OSBPL9: variants seen among roughly 807,000 people sequenced by gnomAD.
OSBPL9 encodes the protein oxysterol binding protein like 9, also known as oxysterol-binding protein-related protein 9.
OSBPL9 carries 40 observed loss-of-function variants against 106.6 expected under a neutral mutation model. That is an observed-to-expected ratio of 0.38 (90% CI 0.29 to 0.49). The LOEUF is 0.49. OSBPL9 is among the 20% of genes least tolerant of loss of function. The pLI is 0.97. For missense variants in OSBPL9, 609 were observed against 887.2 expected (o/e 0.69, Z 3.98); for synonymous variants, 269 against 295.4 (o/e 0.91, Z 0.92).
chr1:51,547,123 A>G, the OSBPL9 span, among the ~76,000 whole-genome samples: 7 of 152,220 alleles, frequency 4.6e-5, no homozygotes, highest in Non-Finnish European at 7.3e-5. Context: ...CATACACTCT[A>G]TGAGCTTGCA....
intron 2 of OSBPL9, among the ~76,000 whole-genome samples, chr1:51,654,592 C>T (rs138410197): frequency 1.3e-5 from 2 of 152,056 alleles, no homozygotes; most frequent in East Asian, 3.9e-4. Flanking sequence ...GGATATATAG[C>T]ATTATTTGCA....
At chr1:51,749,479 A>G (rs1668770509) in intron 7 of OSBPL9, 1 of 429,384 alleles carries the variant, frequency 2.3e-6, no homozygotes, top group Non-Finnish European at 4.8e-6. Flanking sequence ...CACACAGCTA[A>G]TTTTTATTTT....
At chr1:51,542,073 A>G in the OSBPL9 span, among the ~76,000 whole-genome samples, 1 of 152,080 alleles carries the variant, frequency 6.6e-6, no homozygotes, top group Non-Finnish European at 1.5e-5. Flanking sequence ...TTTTTAGTAG[A>G]GATGGGGTTT....
At chr1:51,748,919 C>G (rs936194463) in intron 7 of OSBPL9, among the ~76,000 whole-genome samples, 2 of 152,108 alleles carry the variant, frequency 1.3e-5, no homozygotes, top group African/African-American at 2.4e-5. Context: ...AACCCCATCT[C>G]TACTAAAAAT....
intron 3 of OSBPL9, among the ~76,000 whole-genome samples, chr1:51,675,813 A>G (rs1001398721): frequency 6.6e-6 from 1 of 152,216 alleles, no homozygotes; most frequent in Non-Finnish European, 1.5e-5. Flanking sequence ...TATCTGTTTA[A>G]TGATTTAATA....
At chr1:51,594,162 C>T (rs753738259) in intron 1 of OSBPL9, among the ~76,000 whole-genome samples, 15 of 151,922 alleles carry the variant, frequency 9.9e-5, no homozygotes, top group Non-Finnish European at 1.0e-4. Context: ...TTTGGGAGGC[C>T]GAGGTGTGTG....
chr1:51,751,839 G>T (rs143655961), intron 8 of OSBPL9, among the ~76,000 whole-genome samples: 152 of 152,286 alleles, frequency 1.0e-3, no homozygotes, highest in Non-Finnish European at 1.9e-3. Flanking sequence ...AACATTTTTA[G>T]TGTAATTTGT....
At chr1:51,621,344 T>G (rs1644421045) in intron 1 of OSBPL9, among the ~76,000 whole-genome samples, 1 of 151,842 alleles carries the variant, frequency 6.6e-6, no homozygotes. Flanking sequence ...ATACAAAAAT[T>G]TGCCCTGCTG....
chr1:51,736,671 T>A lies in OSBPL9; in HGVS notation c.319-8865T>A, dbSNP rs567852262. 5.9e-5 allele frequency among the ~76,000 whole-genome samples: 9 copies of A among 152,302 alleles called. No homozygotes were observed. In the East Asian group the frequency reaches 1.5e-3, roughly 26 times the overall value. ...TTTAATGTTAATTTTTCCTAGTTAT[T>A]TGTAGAACACATTTCCAGGAAATTT... On this transcript the variant is annotated intron_variant, in intron 4 of 23. Transcript: ENST00000428468.
At chr1:51,547,925 A>G in the OSBPL9 span, among the ~76,000 whole-genome samples, 1 of 151,842 alleles carries the variant, frequency 6.6e-6, no homozygotes, top group East Asian at 1.9e-4. Flanking sequence ...ATAAACTACC[A>G]TGTACTAAGT....
the OSBPL9 span, among the ~76,000 whole-genome samples, chr1:51,523,100 A>C: frequency 6.6e-6 from 1 of 152,020 alleles, no homozygotes; most frequent in Non-Finnish European, 1.5e-5. Context: ...CTATTTTTTT[A>C]AAATCAATCA....
In OSBPL9 at chr1:51,789,168, C is replaced by G; in HGVS notation, c.*1379C>G. 6.9e-7 allele frequency: 1 copy of G among 1,443,006 alleles called. No homozygotes were observed. The highest frequency in any genetic ancestry group is 9.7e-7 in the Non-Finnish European group (1 of 1,026,152). The allele number at this position is 1,443,006 out of a possible 1,614,324, so 89.4% of individuals were successfully genotyped here. ...AGCCCTAAGGCAGTAGTATAACTAA[C>G]TCCATAAAATACAAACAAACACATT... On this transcript the variant is annotated 3_prime_UTR_variant, in exon 24 of 24. Coordinates refer to ENST00000428468, the MANE Select transcript of OSBPL9 (RefSeq NM_024586.6).
intron 2 of OSBPL9, among the ~76,000 whole-genome samples, chr1:51,601,347 T>C (rs1645324679): frequency 6.6e-6 from 1 of 152,202 alleles, no homozygotes; most frequent in Non-Finnish European, 1.5e-5. Flanking sequence ...TGCAGATCAG[T>C]GAGAACTTTG....
chr1:51,628,005 C>T (rs1557604797), intron 1 of OSBPL9, among the ~76,000 whole-genome samples: 1 of 151,720 alleles, frequency 6.6e-6, no homozygotes, highest in Non-Finnish European at 1.5e-5. Context: ...GAAGAGATGA[C>T]ATTGTACTCT....
chr1:51,708,095 CCAGGTGCCTAATA>C (rs1658992715), intron 3 of OSBPL9: 1 of 221,560 alleles, frequency 4.5e-6, no homozygotes. Flanking sequence ...GCCCTGGTGA[CCAGGTGCCTAATA>C]CAGCCAAATC....
chr1:51,704,141 C>T (rs1657913999), intron 3 of OSBPL9, among the ~76,000 whole-genome samples: 1 of 152,166 alleles, frequency 6.6e-6, no homozygotes, highest in African/African-American at 2.4e-5. Flanking sequence ...CAGGATGATG[C>T]TGGCCTCATA....
At chr1:51,763,480 G>A (rs1275525711) in intron 11 of OSBPL9, among the ~76,000 whole-genome samples, 1 of 152,116 alleles carries the variant, frequency 6.6e-6, no homozygotes, top group Non-Finnish European at 1.5e-5. Context: ...TGTTAAACCT[G>A]GAAACCAAAA....
chr1:51,773,521 A>C (rs141571884), intron 14 of OSBPL9, among the ~76,000 whole-genome samples: 151 of 152,326 alleles, frequency 9.9e-4, no homozygotes, highest in African/African-American at 2.6e-3. Context: ...CTGAGATTCT[A>C]ATCTGCTCCA....
intron 4 of OSBPL9, chr1:51,730,030 G>A (rs200858867): frequency 7.7e-6 from 10 of 1,305,046 alleles, no homozygotes; most frequent in Non-Finnish European, 9.8e-6. Flanking sequence ...TCTGGGAGAG[G>A]GGCCGGCCCC....
Sources: gnomAD v4.1 joint callset for allele counts (sites outside exome capture counted in the v4.1 genomes callset) on GRCh38, gnomAD v4.1.1 for gene constraint, MANE v1.5 for transcripts, NCBI Gene and HGNC (gene_info 2026-07-23, HGNC 2026-07-21) for gene names.